PMS1: variants seen among roughly 807,000 people sequenced by gnomAD.
PMS1 encodes PMS1 homolog 1, mismatch repair system component.
In PMS1, 79 loss-of-function variants were observed where a neutral mutation model predicts 93.1. That is an observed-to-expected ratio of 0.85 (90% CI 0.71 to 1.02). PMS1 has a LOEUF of 1.02. PMS1 is among the 50% of genes least tolerant of loss of function. The pLI, the probability that PMS1 is intolerant of heterozygous loss-of-function variation, is 0.00. For synonymous variants in PMS1, 335 were observed against 363.4 expected (o/e 0.92, Z 0.89); for missense variants, 1,064 against 1,085.3 (o/e 0.98, Z 0.28).
chr2:189,814,143 C>T (rs561382725), intron 4 of PMS1, among the ~76,000 whole-genome samples: 1 of 132,704 alleles, frequency 7.5e-6, no homozygotes, highest in Admixed American at 7.1e-5. Flanking sequence ...CTTTCCTAAG[C>T]CAAAGAATAG....
intron 5 of PMS1, among the ~76,000 whole-genome samples, chr2:189,839,677 A>G (rs1219383526): frequency 1.3e-5 from 2 of 152,182 alleles, no homozygotes; most frequent in Non-Finnish European, 2.9e-5. Flanking sequence ...CCACTGTGCT[A>G]TGTAATAGTA....
At chr2:189,851,660 G>C (rs2054739774) in intron 6 of PMS1, among the ~76,000 whole-genome samples, 1 of 152,098 alleles carries the variant, frequency 6.6e-6, no homozygotes, top group Non-Finnish European at 1.5e-5. Flanking sequence ...CACGGTTCCT[G>C]CTTAACTAAA....
At chr2:189,795,147 G>C (rs1335663264) in intron 2 of PMS1, among the ~76,000 whole-genome samples, 2 of 152,144 alleles carry the variant, frequency 1.3e-5, no homozygotes, top group Admixed American at 6.5e-5. Flanking sequence ...TGCTAAATTA[G>C]ATGTGTTTTC....
chr2:189,809,687 T>C (rs939488940), intron 4 of PMS1, among the ~76,000 whole-genome samples: 12 of 151,828 alleles, frequency 7.9e-5, no homozygotes, highest in Non-Finnish European at 7.4e-5. Flanking sequence ...CTCCTAAAAA[T>C]ACAAAAAATT....
chr2:189,845,835 A>T (rs997830725), intron 6 of PMS1, among the ~76,000 whole-genome samples: 2 of 151,952 alleles, frequency 1.3e-5, no homozygotes, highest in Non-Finnish European at 2.9e-5. Flanking sequence ...GGTTCAAATG[A>T]TTCTCCTGCC....
At chr2:189,873,919 A>G (rs1464644948) in intron 12 of PMS1, among the ~76,000 whole-genome samples, 1 of 152,214 alleles carries the variant, frequency 6.6e-6, no homozygotes, top group East Asian at 1.9e-4. Context: ...GCCAACTGGA[A>G]AAACTCTTCC....
At chr2:189,829,651 G>A (rs1223776374) in intron 5 of PMS1, among the ~76,000 whole-genome samples, 1 of 152,184 alleles carries the variant, frequency 6.6e-6, no homozygotes, top group Non-Finnish European at 1.5e-5. Context: ...CACCCATGCT[G>A]AATAGTGCCT....
In PMS1 at chr2:189,791,882, G is replaced by T. The variant is rs1224767088; in HGVS notation, c.73G>T (p.Val25Leu). The change falls in exon 2 of 13, where the codon GTA (valine) becomes TTA (leucine). Residue 25 changes from valine (V) to leucine (L), a missense_variant. Physicochemically the swap from Val to Leu is conservative, Grantham distance 32. Coordinates refer to ENST00000441310, the MANE Select transcript of PMS1 (RefSeq NM_000534.5). Reference protein sequence around the residue: ...SQIITSVVSVVKELIENSLDA... With the variant: ...SQIITSVVSVLKELIENSLDA... ...GATCATCACTTCGGTGGTCAGTGTT[G>T]TAAAAGAGCTTATTGAAAACTCCTT... 1 of 1,613,890 alleles carries T rather than the reference G, an allele frequency of 6.2e-7. No homozygotes were observed. Among genetic ancestry groups the T allele is most frequent in the Non-Finnish European group, 8.5e-7 (1 of 1,179,790 alleles).
intron 11 of PMS1, among the ~76,000 whole-genome samples, chr2:189,871,067 C>A (rs1257322310): frequency 6.6e-6 from 1 of 152,142 alleles, no homozygotes; most frequent in Non-Finnish European, 1.5e-5. Flanking sequence ...ATATAAGTTC[C>A]AAGTTTAAGT....
chr2:189,867,578 C>T lies in PMS1; in HGVS notation c.2343-221C>T, dbSNP rs372003732. Among the ~76,000 whole-genome samples, 4 of 152,140 alleles carry T rather than the reference C, an allele frequency of 2.6e-5. No individual in the cohort carries two copies. In the East Asian group the frequency reaches 5.8e-4, roughly 22 times the overall value. On this transcript the variant is annotated intron_variant, in intron 10 of 12. Coordinates refer to ENST00000441310, the MANE Select transcript of PMS1 (RefSeq NM_000534.5). ...AATTTCACATTCAATTTGTAACATT[C>T]TAGAAGACAGATTATCTTCTTTCTG...
At chr2:189,819,400 A>G (rs1291427167) in intron 5 of PMS1, among the ~76,000 whole-genome samples, 4 of 152,202 alleles carry the variant, frequency 2.6e-5, no homozygotes, top group African/African-American at 7.2e-5. Context: ...GATACCCAGT[A>G]GGGAGATTAC....
At chr2:189,804,801 T>C (rs922081857) in intron 3 of PMS1, among the ~76,000 whole-genome samples, 1 of 152,188 alleles carries the variant, frequency 6.6e-6, no homozygotes, top group African/African-American at 2.4e-5. Context: ...GAAAGATTAC[T>C]CCCAATTTTG....
At chr2:189,847,253 A>T (rs1486676816) in intron 6 of PMS1, among the ~76,000 whole-genome samples, 2 of 152,032 alleles carry the variant, frequency 1.3e-5, no homozygotes, top group African/African-American at 4.8e-5. Flanking sequence ...TGAGCATTTG[A>T]TGTGGATCTT....
intron 6 of PMS1, among the ~76,000 whole-genome samples, chr2:189,848,959 CT>C (rs1426926030): frequency 1.3e-5 from 2 of 152,206 alleles, no homozygotes; most frequent in Non-Finnish European, 2.9e-5. Flanking sequence ...CACCTCACTT[CT>C]GTCCCCATTA....
intron 5 of PMS1, among the ~76,000 whole-genome samples, chr2:189,843,096 C>A (rs1255683419): frequency 6.6e-6 from 1 of 152,048 alleles, no homozygotes; most frequent in Non-Finnish European, 1.5e-5. Flanking sequence ...CGCCTCACTG[C>A]AACCTCCGCC....
chr2:189,876,390 T>A (rs1334653652), intron 12 of PMS1, among the ~76,000 whole-genome samples: 1 of 152,210 alleles, frequency 6.6e-6, no homozygotes, highest in Non-Finnish European at 1.5e-5. Flanking sequence ...GACAGTTTTA[T>A]GACTCAACGA....
intron 7 of PMS1, among the ~76,000 whole-genome samples, chr2:189,853,515 CTTTTCTTTTT>C (rs2054988834): frequency 7.0e-6 from 1 of 142,080 alleles, no homozygotes; most frequent in Admixed American, 6.9e-5. Context: ...CTTTTCTTTT[CTTTTCTTTTT>C]TTTTTTTTGA....
At chr2:189,805,394 G>T (rs80151169) in intron 3 of PMS1, among the ~76,000 whole-genome samples, 1,537 of 152,152 alleles carry the variant, frequency 0.01, 36 homozygotes, top group African/African-American at 0.035. Flanking sequence ...GGCATTTCAG[G>T]TATACTTGTT....
At chr2:189,796,985 A>G (rs1465779833) in intron 3 of PMS1, among the ~76,000 whole-genome samples, 1 of 152,224 alleles carries the variant, frequency 6.6e-6, no homozygotes, top group Non-Finnish European at 1.5e-5. Flanking sequence ...TATTAAGAAA[A>G]TTAAGCAGAT....
Sources: allele counts gnomAD v4.1 joint callset (sites outside exome capture counted in the v4.1 genomes callset), GRCh38; gene constraint gnomAD v4.1.1; transcripts MANE v1.5; gene names NCBI Gene and HGNC (gene_info 2026-07-23, HGNC 2026-07-21).